Variants in FHIT observed in about 807,000 individuals in gnomAD.
FHIT encodes bis(5'-adenosyl)-triphosphatase.
Under a neutral mutation model 17.9 loss-of-function variants are expected in FHIT, and 19 were observed. That is an observed-to-expected ratio of 1.06 (90% CI 0.74 to 1.56). The LOEUF is 1.56. FHIT is among the 40% of genes most tolerant of loss of function. The pLI is 0.00. For missense variants in FHIT, 248 were observed against 189.2 expected, an observed-to-expected ratio of 1.31 and a Z score of -1.82; for synonymous variants, 81 against 69.7, an observed-to-expected ratio of 1.16 and a Z score of -0.81.
At chr3:61,046,489 C>T (rs1472676760) in intron 2 of FHIT, among the ~76,000 whole-genome samples, 1 of 152,112 alleles carries the variant, frequency 6.6e-6, no homozygotes, top group East Asian at 1.9e-4. Context: ...GAAATTGAGG[C>T]AATAATTCAT....
At chr3:61,203,658 C>A (rs1242647067) in intron 1 of FHIT, among the ~76,000 whole-genome samples, 1 of 151,792 alleles carries the variant, frequency 6.6e-6, no homozygotes, top group Non-Finnish European at 1.5e-5. Context: ...TGTAAAAAAA[C>A]AAAACAAAAC....
chr3:59,859,885 T>C (rs1702334125), intron 8 of FHIT, among the ~76,000 whole-genome samples: 1 of 152,138 alleles, frequency 6.6e-6, no homozygotes, highest in Non-Finnish European at 1.5e-5. Context: ...GACTGAATGG[T>C]AGTGCTGTAT....
At chr3:61,087,180 A>T (rs2035332303) in intron 2 of FHIT, among the ~76,000 whole-genome samples, 1 of 152,118 alleles carries the variant, frequency 6.6e-6, no homozygotes, top group South Asian at 2.1e-4. Context: ...CCCCACAAAC[A>T]ATATTCTATA....
chr3:59,951,892 A>G (rs1190516833), intron 7 of FHIT, among the ~76,000 whole-genome samples: 1 of 152,156 alleles, frequency 6.6e-6, no homozygotes, highest in African/African-American at 2.4e-5. Flanking sequence ...CTCTGAAAAC[A>G]TCACTCAACC....
At chr3:60,786,258 G>A (rs1700570916) in intron 4 of FHIT, among the ~76,000 whole-genome samples, 1 of 152,144 alleles carries the variant, frequency 6.6e-6, no homozygotes, top group Admixed American at 6.5e-5. Flanking sequence ...GGCATGGAGA[G>A]GCAATGGGCA....
At chr3:59,829,973 G>A (rs1181873194) in intron 8 of FHIT, among the ~76,000 whole-genome samples, 2 of 152,074 alleles carry the variant, frequency 1.3e-5, no homozygotes, top group East Asian at 3.9e-4. Flanking sequence ...TTACTTGGGA[G>A]GCTGAGGTTG....
intron 4 of FHIT, among the ~76,000 whole-genome samples, chr3:60,589,874 G>A (rs189519271): frequency 5.3e-5 from 8 of 152,032 alleles, no homozygotes; most frequent in Non-Finnish European, 1.2e-4. Flanking sequence ...CCTGGAGAAT[G>A]AATACATTGG....
At chr3:60,622,354 C>T (rs2856044) in intron 4 of FHIT, among the ~76,000 whole-genome samples, 2 of 151,314 alleles carry the variant, frequency 1.3e-5, no homozygotes, top group Non-Finnish European at 2.9e-5. Flanking sequence ...TTTTTTGAAA[C>T]GTACAAATCT....
intron 3 of FHIT, among the ~76,000 whole-genome samples, chr3:60,862,183 T>C (rs573970829): frequency 2.8e-4 from 43 of 152,204 alleles, no homozygotes; most frequent in African/African-American, 1.0e-3. Flanking sequence ...TTTTTGTTTT[T>C]GTTTTTGTTT....
At chr3:59,927,574 T>G (rs1705732980) in intron 7 of FHIT, among the ~76,000 whole-genome samples, 1 of 151,784 alleles carries the variant, frequency 6.6e-6, no homozygotes, top group Non-Finnish European at 1.5e-5. Flanking sequence ...GAGACCAGTC[T>G]GACCAACATT....
At chr3:60,985,514 T>C (rs969100543) in intron 3 of FHIT, among the ~76,000 whole-genome samples, 1 of 152,160 alleles carries the variant, frequency 6.6e-6, no homozygotes, top group Non-Finnish European at 1.5e-5. Context: ...CAGTGATTGG[T>C]TGAAAAAAAC....
intron 5 of FHIT, among the ~76,000 whole-genome samples, chr3:60,377,732 C>A (rs1378879547): frequency 6.6e-6 from 1 of 151,750 alleles, no homozygotes; most frequent in African/African-American, 2.4e-5. Flanking sequence ...CCACCCGCCT[C>A]GGCCTCCCAA....
intron 3 of FHIT, among the ~76,000 whole-genome samples, 180 bp from the exon 4 acceptor site, chr3:60,822,191 G>A (rs1701954035): frequency 6.6e-6 from 1 of 152,154 alleles, no homozygotes; most frequent in Admixed American, 6.5e-5. Context: ...CTGTACATTG[G>A]AGACTGTGGC....
chr3:61,202,783 G>A (rs1002647105), intron 1 of FHIT, among the ~76,000 whole-genome samples: 2 of 152,152 alleles, frequency 1.3e-5, no homozygotes, highest in Non-Finnish European at 2.9e-5. Context: ...CGGACACTGT[G>A]TCTCACGCCT....
At chr3:60,394,289 A>C (rs973138741) in intron 5 of FHIT, among the ~76,000 whole-genome samples, 2 of 152,188 alleles carry the variant, frequency 1.3e-5, no homozygotes, top group African/African-American at 4.8e-5. Context: ...CTTTCTATTG[A>C]GAAACAGATC....
intron 4 of FHIT, among the ~76,000 whole-genome samples, chr3:60,576,929 C>T (rs1374008618): frequency 7.3e-6 from 1 of 137,042 alleles, no homozygotes; most frequent in East Asian, 2.2e-4. Context: ...GGTCTAATTA[C>T]ATATTTGCAT....
intron 5 of FHIT, among the ~76,000 whole-genome samples, chr3:60,245,563 C>T (rs1052326686): frequency 1.3e-5 from 2 of 151,832 alleles, no homozygotes; most frequent in Non-Finnish European, 1.5e-5. Context: ...TTTTCACCTA[C>T]GATATTAGGG....
intron 5 of FHIT, among the ~76,000 whole-genome samples, chr3:60,310,422 G>T (rs1339727505): frequency 6.6e-6 from 1 of 152,110 alleles, no homozygotes; most frequent in African/African-American, 2.4e-5. Flanking sequence ...AAAGCCTAAG[G>T]CCAAGTGAGA....
chr3:60,091,505 G>C (rs1031418312), intron 5 of FHIT, among the ~76,000 whole-genome samples: 1 of 152,098 alleles, frequency 6.6e-6, no homozygotes, highest in Non-Finnish European at 1.5e-5. Flanking sequence ...TTCTTCTCTG[G>C]AGCCACTCTT....
Sources: gnomAD v4.1 joint callset for allele counts (sites outside exome capture counted in the v4.1 genomes callset) on GRCh38, gnomAD v4.1.1 for gene constraint, MANE v1.5 for transcripts, NCBI Gene and HGNC (gene_info 2026-07-23, HGNC 2026-07-21) for gene names.